The following FRYL variants were observed in gnomAD, a reference collection of about 807,000 sequenced individuals.
FRYL encodes protein furry homolog-like.
In FRYL, 150 loss-of-function variants were observed where a neutral mutation model predicts 351.2. The observed-to-expected ratio is 0.43, with a 90% CI of 0.37 to 0.49. The LOEUF (loss-of-function observed/expected upper bound fraction) is 0.49. FRYL is among the 20% of genes least tolerant of loss of function. FRYL has a pLI of 0.00. For synonymous variants in FRYL, 1,153 were observed against 1,257.1 expected (o/e 0.92, Z 1.75); for missense variants, 3,036 against 3,619.3 (o/e 0.84, Z 4.13).
At chr4:48,717,135 G>C (rs529731010) in intron 1 of FRYL, among the ~76,000 whole-genome samples, 10 of 113,598 alleles carry the variant, frequency 8.8e-5, no homozygotes, top group African/African-American at 1.3e-4. Context: ...GGTGGGGGGA[G>C]GGGGGAGGGA....
intron 1 of FRYL, among the ~76,000 whole-genome samples, chr4:48,725,007 C>G (rs766140704): frequency 9.9e-5 from 15 of 152,110 alleles, no homozygotes; most frequent in Non-Finnish European, 2.2e-4. Flanking sequence ...CAGATGATAA[C>G]CTAAGAATAC....
chr4:48,598,432 G>A (rs1578283037), intron 13 of FRYL, among the ~76,000 whole-genome samples: 1 of 151,978 alleles, frequency 6.6e-6, no homozygotes, highest in Non-Finnish European at 1.5e-5. Flanking sequence ...CATCTACTAT[G>A]TACCCACAAA....
intron 3 of FRYL, among the ~76,000 whole-genome samples, chr4:48,647,390 G>A (rs185795267): frequency 6.6e-6 from 1 of 152,300 alleles, no homozygotes; most frequent in East Asian, 1.9e-4. Flanking sequence ...ATTCTGGCCT[G>A]TTTGCGTATT....
intron 3 of FRYL, among the ~76,000 whole-genome samples, chr4:48,666,750 T>C (rs1205317499): frequency 4.6e-5 from 7 of 151,164 alleles, no homozygotes; most frequent in Non-Finnish European, 8.8e-5. Context: ...CGTTTCATAG[T>C]TTTTTTTTAA....
intron 4 of FRYL, among the ~76,000 whole-genome samples, chr4:48,633,763 C>A (rs1432691984): frequency 6.6e-6 from 1 of 152,180 alleles, no homozygotes; most frequent in Non-Finnish European, 1.5e-5. Flanking sequence ...CCCTTTCATT[C>A]CAGCCTGAAC....
intron 3 of FRYL, among the ~76,000 whole-genome samples, chr4:48,672,982 T>A (rs1258513846): frequency 6.6e-6 from 1 of 152,204 alleles, no homozygotes; most frequent in African/African-American, 2.4e-5. Flanking sequence ...ACTGAAAAGA[T>A]CACTTACTAA....
chr4:48,763,943 C>T (rs1252491414), intron 1 of FRYL, among the ~76,000 whole-genome samples: 1 of 152,016 alleles, frequency 6.6e-6, no homozygotes, highest in African/African-American at 2.4e-5. Flanking sequence ...ATGAGGCGGG[C>T]GGCTCACCTG....
intron 11 of FRYL, among the ~76,000 whole-genome samples, chr4:48,603,600 G>A (rs1415559683): frequency 1.3e-5 from 2 of 152,288 alleles, no homozygotes; most frequent in Non-Finnish European, 2.9e-5. Context: ...TACAGGCTAA[G>A]AGGACACAGT....
At chr4:48,571,616 T>C (rs1327808293) in intron 26 of FRYL, 17 of 982,260 alleles carry the variant, frequency 1.7e-5, no homozygotes, top group Non-Finnish European at 2.1e-5. Context: ...AAATTTCACT[T>C]TCTTGTCCAT....
intron 3 of FRYL, among the ~76,000 whole-genome samples, chr4:48,676,393 A>G (rs1356250122): frequency 6.6e-6 from 1 of 152,168 alleles, no homozygotes; most frequent in East Asian, 1.9e-4. Flanking sequence ...GACAGACTCC[A>G]GACGCACCAT....
At chr4:48,771,779 T>C (rs547638209) in intron 1 of FRYL, among the ~76,000 whole-genome samples, 1 of 151,896 alleles carries the variant, frequency 6.6e-6, no homozygotes, top group South Asian at 2.1e-4. Flanking sequence ...CAGAAGAACA[T>C]GCTGTCATTT....
intron 33 of FRYL, among the ~76,000 whole-genome samples, chr4:48,561,118 C>T (rs1354207100): frequency 6.6e-5 from 10 of 152,198 alleles, no homozygotes. Context: ...TATTATTAAA[C>T]ATATGCCAAT....
chr4:48,687,099 A>G (rs77606200), intron 2 of FRYL, among the ~76,000 whole-genome samples: 2 of 152,074 alleles, frequency 1.3e-5, no homozygotes, highest in East Asian at 3.9e-4. Context: ...TTGTCTCCAT[A>G]TGGATTACTT....
In FRYL at chr4:48,547,577, C is replaced by A; in HGVS notation, c.5074+7G>T. 2.7e-6 allele frequency: 4 copies of A among 1,501,508 alleles called. No individual in the cohort carries two copies. Among genetic ancestry groups the A allele is most frequent in the South Asian group, 2.7e-5 (2 of 75,234 alleles). 93.0% of individuals were successfully genotyped at this position (1,501,508 alleles called of 1,614,324 possible). ...CTACTTTCAAATTGTACATTTAAAG[C>A]AAATACCTGTGAAATTATAATCTAA... On this transcript the variant is annotated splice_region_variant and intron_variant, in intron 41 of 63. Coordinates refer to ENST00000358350, the MANE Select transcript of FRYL (RefSeq NM_015030.2).
At position 48,533,904 on chromosome 4, in the gene FRYL, C is replaced by T. The variant is rs368674591; in HGVS notation, c.6705+641G>A. 6.6e-5 allele frequency among the ~76,000 whole-genome samples: 10 copies of T among 152,198 alleles called. No homozygotes were observed. In the East Asian group the frequency reaches 7.7e-4, roughly 12 times the overall value. On this transcript the variant is annotated intron_variant, in intron 49 of 63. Coordinates refer to ENST00000358350, the MANE Select transcript of FRYL (RefSeq NM_015030.2). Reference sequence around the variant, plus strand: ...AGTGTATGCCCACTAAGTAGAATCTCGTTAAAAAACAGAAAGGTACGAAGA... The same window carrying T: ...AGTGTATGCCCACTAAGTAGAATCTTGTTAAAAAACAGAAAGGTACGAAGA...
At chr4:48,678,436 G>A (rs1764088126) in intron 3 of FRYL, among the ~76,000 whole-genome samples, 1 of 150,354 alleles carries the variant, frequency 6.7e-6, no homozygotes, top group South Asian at 2.1e-4. Context: ...TTGAACAAGG[G>A]AGGCGGAGGT....
At chr4:48,522,022 G>A (rs1191014715) in intron 54 of FRYL, among the ~76,000 whole-genome samples, 1 of 152,152 alleles carries the variant, frequency 6.6e-6, no homozygotes, top group Non-Finnish European at 1.5e-5. Flanking sequence ...TCATGCCTGT[G>A]ATCCTGCCAC....
At chr4:48,590,462 A>C (rs1743013157) in intron 17 of FRYL, among the ~76,000 whole-genome samples, 197 bp downstream of exon 17, 1 of 152,166 alleles carries the variant, frequency 6.6e-6, no homozygotes, top group African/African-American at 2.4e-5. Flanking sequence ...CAGCCTGGGC[A>C]ACAAAGTGAG....
chr4:48,541,879 C>A (rs937888), intron 45 of FRYL, 148 bp downstream of exon 45: 270,158 of 589,352 alleles, frequency 0.46, 65,193 homozygotes, highest in Admixed American at 0.58. Context: ...CAAGTCCTCA[C>A]TGTCTGCGGC....
Sources: allele counts gnomAD v4.1 joint callset (sites outside exome capture counted in the v4.1 genomes callset), GRCh38; gene constraint gnomAD v4.1.1; transcripts MANE v1.5; gene names NCBI Gene and HGNC (gene_info 2026-07-23, HGNC 2026-07-21).